CHD5: variants seen among roughly 807,000 people sequenced by gnomAD.
CHD5 encodes the protein chromodomain helicase DNA binding protein 5, also known as ATP-dependent chromatin remodeler CHD5.
CHD5 carries 69 observed loss-of-function variants against 230.3 expected under a neutral mutation model. The observed-to-expected ratio is 0.30, with a 90% CI of 0.25 to 0.37. The LOEUF (loss-of-function observed/expected upper bound fraction) is 0.37, where lower values mean the gene tolerates loss of function less well. CHD5 is among the 10% of genes least tolerant of loss of function. The pLI is 1.00. For missense variants in CHD5, 1,827 were observed against 2,622.8 expected (o/e 0.70, Z 6.63); for synonymous variants, 1,064 against 1,065.9 (o/e 1.00, Z 0.03).
chr1:6,154,533 C>G lies in CHD5; in HGVS notation c.745+127G>C, dbSNP rs1667050951. On this transcript the variant is annotated intron_variant, in intron 5 of 41. Coordinates refer to ENST00000262450, the MANE Select transcript of CHD5 (RefSeq NM_015557.3). This position sits in a 1 kb window ranked among gnomAD's most constrained non-coding sequence, Gnocchi z 7.0. The stretch of plus-strand genomic sequence containing the variant: ...CGGGCAATCCAAGGTCACACAGGCA[C>G]AGAGCCCTCCATTAGGAGCACCCCA... 1.3e-6 allele frequency: 1 copy of G among 799,748 alleles called. No homozygotes were observed. The highest frequency in any genetic ancestry group is 2.1e-5 in the South Asian group (1 of 47,972). 49.5% of individuals were successfully genotyped at this position (799,748 alleles called of 1,614,324 possible).
At chr1:6,111,433 C>T (rs1285422753) in intron 36 of CHD5, among the ~76,000 whole-genome samples, 1 of 151,308 alleles carries the variant, frequency 6.6e-6, no homozygotes, top group Non-Finnish European at 1.5e-5. Context: ...ACTCAGGAGG[C>T]TGAGGCAGGA....
At chr1:6,118,196 C>A (rs1398972096) in intron 33 of CHD5, among the ~76,000 whole-genome samples, 1 of 151,866 alleles carries the variant, frequency 6.6e-6, no homozygotes, top group Non-Finnish European at 1.5e-5. Flanking sequence ...GGCAACATGG[C>A]AAAACCCCGT....
At chr1:6,132,520 T>C (rs1309502708) in intron 20 of CHD5, among the ~76,000 whole-genome samples, 2 of 152,240 alleles carry the variant, frequency 1.3e-5, no homozygotes, top group Non-Finnish European at 2.9e-5. Flanking sequence ...TCTCAACAAA[T>C]CCAACTTCTT....
chr1:6,146,907 G>C lies in CHD5; in HGVS notation c.1384-36C>G. ...AGAAGGGTCCCCAAGGTGGGGCTCA[G>C]CTGCAGGGCCCCACCCTGAGGCTCC... is the stretch of plus-strand genomic sequence containing the variant. On this transcript the variant is annotated intron_variant, in intron 9 of 41. Coordinates refer to ENST00000262450, the MANE Select transcript of CHD5 (RefSeq NM_015557.3). This position sits in a 1 kb window ranked among gnomAD's most constrained non-coding sequence, Gnocchi z 5.1. The C allele has an allele frequency of 7.0e-7, 1 of 1,438,240 alleles. No homozygotes were observed. Among genetic ancestry groups the C allele is most frequent in the Non-Finnish European group, 9.2e-7 (1 of 1,085,572 alleles). 89.1% of individuals were successfully genotyped at this position (1,438,240 alleles called of 1,614,324 possible). A position where few individuals can be genotyped will look rare whatever the true frequency, so the allele number is the denominator to read the frequency against.
At chr1:6,110,966 G>C (rs925205287) in intron 36 of CHD5, among the ~76,000 whole-genome samples, 1 of 152,096 alleles carries the variant, frequency 6.6e-6, no homozygotes, top group South Asian at 2.1e-4. Flanking sequence ...ATGGTGGCTC[G>C]CGCCTGTAAT....
chr1:6,115,250 CAAA>C (rs34290371), intron 33 of CHD5, among the ~76,000 whole-genome samples: 4 of 125,074 alleles, frequency 3.2e-5, no homozygotes, highest in African/African-American at 3.1e-5. Context: ...GACTCTGTCT[CAAA>C]AAAAAAAAAA....
At chr1:6,163,376 C>T (rs906211571) in intron 2 of CHD5, among the ~76,000 whole-genome samples, 3 of 152,212 alleles carry the variant, frequency 2.0e-5, no homozygotes, top group East Asian at 1.9e-4. Flanking sequence ...CTGCCTCCAC[C>T]ACATGGAGCC....
rs114907401 is a variant in CHD5 at position 6,136,473 on chromosome 1, C to T, written c.2696+44G>A. On this transcript the variant is annotated intron_variant, in intron 17 of 41. Transcript: ENST00000262450. ...TATTGATCCGTCTTCACTGGGGCCA[C>T]CCAGCCCCACCACCACCTCCCTAGC... 6.6e-4 allele frequency: 1,062 copies of T among 1,605,518 alleles called. 10 individuals carry two copies. The African/African-American group carries it at 0.013, about 19-fold the overall frequency.
At chr1:6,106,545 G>T (rs1241391453) in intron 39 of CHD5, 36 bp from the exon 40 acceptor site, 1 of 1,550,428 alleles carries the variant, frequency 6.4e-7, no homozygotes. Flanking sequence ...GGTGGTCTCA[G>T]GCCCCCCACC....
intron 1 of CHD5, among the ~76,000 whole-genome samples, chr1:6,170,876 G>A (rs1161894272): frequency 1.3e-5 from 2 of 152,196 alleles, no homozygotes; most frequent in Admixed American, 6.5e-5. Context: ...GTCTGTGGTG[G>A]GGCAGCCGAT....
intron 1 of CHD5, among the ~76,000 whole-genome samples, chr1:6,170,067 G>C (rs187628905): frequency 6.6e-6 from 1 of 152,244 alleles, no homozygotes; most frequent in Non-Finnish European, 1.5e-5. Flanking sequence ...TAGAGACAGA[G>C]AGCCCCTTCC....
intron 15 of CHD5, among the ~76,000 whole-genome samples, chr1:6,137,080 G>A (rs1176369012): frequency 8.2e-6 from 1 of 121,452 alleles, no homozygotes; most frequent in African/African-American, 2.8e-5. Context: ...AGAGGGTGGT[G>A]TGGAGGAGGA....
At chr1:6,122,657 C>T (rs1264596803) in intron 31 of CHD5, among the ~76,000 whole-genome samples, 1 of 152,224 alleles carries the variant, frequency 6.6e-6, no homozygotes, top group Admixed American at 6.5e-5. Flanking sequence ...GAACTCAAAA[C>T]GTATGTCCAC....
Position 6,121,380 on chromosome 1 carries a change from A to T in CHD5, c.4779+114T>A, listed in dbSNP as rs1666468601. 6.7e-7 allele frequency: 1 copy of T among 1,492,732 alleles called. No individual in the cohort carries two copies. The highest frequency in any genetic ancestry group is 9.2e-7 in the Non-Finnish European group (1 of 1,085,628). The allele number at this position is 1,492,732 out of a possible 1,614,324, so 92.5% of individuals were successfully genotyped here. On this transcript the variant is annotated intron_variant, in intron 32 of 41. Coordinates refer to ENST00000262450, the MANE Select transcript of CHD5 (RefSeq NM_015557.3). The surrounding 1 kb of genome is among the most constrained non-coding windows in gnomAD (Gnocchi z 4.5). ...TGCTCCCCGCCGATTCAGAGCCCCG[A>T]AAAGGGAGCCAGGAGGCCTGGGTTC...
At chr1:6,108,142 G>A (rs1158652252) in intron 38 of CHD5, among the ~76,000 whole-genome samples, 2 of 141,582 alleles carry the variant, frequency 1.4e-5, no homozygotes, top group African/African-American at 5.3e-5. Context: ...TGGAGGGATG[G>A]AGGAATGATG....
At chr1:6,165,907 C>T (rs568111246) in intron 2 of CHD5, among the ~76,000 whole-genome samples, 41 of 152,104 alleles carry the variant, frequency 2.7e-4, no homozygotes, top group African/African-American at 8.0e-4. Flanking sequence ...TTTGAGACCC[C>T]GGGGAAGATG....
rs376444621 is a variant in CHD5 at position 6,164,677 on chromosome 1, G to A, written c.207+3473C>T. 9.8e-5 allele frequency among the ~76,000 whole-genome samples: 15 copies of A among 152,322 alleles called. No homozygotes were observed. In the East Asian group the frequency reaches 1.5e-3, roughly 16 times the overall value. The stretch of plus-strand genomic sequence containing the variant: ...CTAGTCTGCCAGGCAGGTGGGCAAA[G>A]GGGCACCCGGCAGCTGGGCCACAGT... On this transcript the variant is annotated intron_variant, in intron 2 of 41. Transcript: ENST00000262450.
intron 12 of CHD5, 30 bp downstream of exon 12, chr1:6,143,994 G>A (rs1212255219): frequency 3.7e-6 from 6 of 1,614,102 alleles, no homozygotes; most frequent in South Asian, 1.1e-5. Context: ...CCGGCAGCCT[G>A]TGCCTAGCAG....
At position 6,148,844 on chromosome 1, in the gene CHD5, G is replaced by C; in HGVS notation, c.1383+10C>G. ...CGGGGCGTCCGGCGCGGGGCGGGCG[G>C]AACACTCACAGTACAGCGCGGGCAG... On this transcript the variant is annotated intron_variant, in intron 9 of 41. Coordinates refer to ENST00000262450, the MANE Select transcript of CHD5 (RefSeq NM_015557.3). The C allele has an allele frequency of 6.7e-7, 1 of 1,486,400 alleles. No individual in the cohort carries two copies. The allele number at this position is 1,486,400 out of a possible 1,614,324, so 92.1% of individuals were successfully genotyped here. A position where few individuals can be genotyped will look rare whatever the true frequency, so the allele number is the denominator to read the frequency against.
Sources: allele counts gnomAD v4.1 joint callset (sites outside exome capture counted in the v4.1 genomes callset), GRCh38; gene constraint gnomAD v4.1.1; non-coding constraint Gnocchi (gnomAD v3.1); transcripts MANE v1.5; gene names NCBI Gene and HGNC (gene_info 2026-07-23, HGNC 2026-07-21).